DENND1A: variants seen among roughly 807,000 people sequenced by gnomAD.
DENND1A encodes the protein DENN domain-containing protein 1A.
In DENND1A, 51 loss-of-function variants were observed where a neutral mutation model predicts 113.7. The ratio of observed to expected loss-of-function variants is 0.45; its 90% CI spans 0.36 to 0.57. DENND1A has a LOEUF of 0.57. Ranked by LOEUF, DENND1A falls within the 20% of genes least tolerant of loss-of-function variation. The probability of loss-of-function intolerance (pLI) is 0.00; values close to 1 mark genes in which losing one functional copy is unlikely to be tolerated. For missense variants in DENND1A, 1,258 were observed against 1,395.9 expected (o/e 0.90, Z 1.57); for synonymous variants, 565 against 570.8 (o/e 0.99, Z 0.14).
At chr9:123,912,471 G>A (rs966635608) in intron 1 of DENND1A, among the ~76,000 whole-genome samples, 3 of 152,122 alleles carry the variant, frequency 2.0e-5, no homozygotes, top group Non-Finnish European at 4.4e-5. Flanking sequence ...GGACCAAAAA[G>A]GGCAGCTAAT....
At chr9:123,829,599 CA>C (rs1254543904) in intron 2 of DENND1A, among the ~76,000 whole-genome samples, 1 of 151,702 alleles carries the variant, frequency 6.6e-6, no homozygotes, top group Non-Finnish European at 1.5e-5. Context: ...GAAAATCAAA[CA>C]GATGGATAAT....
chr9:123,382,646 C>T lies in DENND1A; in HGVS notation c.2020-21G>A, dbSNP rs771504403. On this transcript the variant is annotated intron_variant, in intron 23 of 23. Coordinates refer to ENST00000394215, the MANE Select transcript of DENND1A (RefSeq NM_001352964.2). The stretch of plus-strand genomic sequence containing the variant: ...AGCCTCTGTTGGGAGGGAAGGAGGG[C>T]GGCAGTGACCACGGGCTGAGTTGGG... 6.8e-6 allele frequency: 11 copies of T among 1,612,460 alleles called. No homozygotes were observed. In the East Asian group the frequency reaches 1.8e-4, roughly 26 times the overall value.
At chr9:123,542,637 C>A (rs1211309416) in intron 13 of DENND1A, among the ~76,000 whole-genome samples, 1 of 152,056 alleles carries the variant, frequency 6.6e-6, no homozygotes, top group East Asian at 1.9e-4. Context: ...AAGGCACCAG[C>A]GAGAGATTAG....
At chr9:123,779,975 T>C (rs1318731888) in intron 3 of DENND1A, among the ~76,000 whole-genome samples, 1 of 150,032 alleles carries the variant, frequency 6.7e-6, no homozygotes, top group Non-Finnish European at 1.5e-5. Flanking sequence ...CTGCTCAGCC[T>C]CCTGAGTAGC....
intron 10 of DENND1A, among the ~76,000 whole-genome samples, chr9:123,613,877 C>T (rs1395625891): frequency 6.6e-6 from 1 of 152,200 alleles, no homozygotes; most frequent in Non-Finnish European, 1.5e-5. Flanking sequence ...AATTACTGCA[C>T]TATCTGATTT....
chr9:123,899,950 G>T (rs1007500612), intron 1 of DENND1A, among the ~76,000 whole-genome samples: 4 of 152,242 alleles, frequency 2.6e-5, no homozygotes, highest in African/African-American at 9.6e-5. Flanking sequence ...AATGATCACT[G>T]TAAGAATAAC....
intron 5 of DENND1A, among the ~76,000 whole-genome samples, chr9:123,679,344 C>T (rs1015616711): frequency 2.0e-5 from 3 of 152,138 alleles, no homozygotes; most frequent in African/African-American, 4.8e-5. Flanking sequence ...AAGGAGGTGA[C>T]GTGGGAAGGA....
chr9:123,484,979 C>T (rs115286512), intron 13 of DENND1A, among the ~76,000 whole-genome samples: 2 of 152,292 alleles, frequency 1.3e-5, no homozygotes, highest in African/African-American at 2.4e-5. Context: ...AGTTTTATTT[C>T]GAGGGCTACA....
Position 123,881,016 on chromosome 9 carries a change from G to A in DENND1A, c.18-1995C>T, listed in dbSNP as rs186606976. 1.8e-3 allele frequency among the ~76,000 whole-genome samples: 268 copies of A among 152,170 alleles called. 2 individuals carry two copies. Among genetic ancestry groups the A allele is most frequent in the East Asian group, 6.0e-3 (31 of 5,180 alleles). The stretch of plus-strand genomic sequence containing the variant: ...TGTGAATCAGGAATCTACTTATTTC[G>A]GGGGTGTAAAATCGTCATTTCTCCC... On this transcript the variant is annotated intron_variant, in intron 1 of 23. Coordinates refer to ENST00000394215, the MANE Select transcript of DENND1A (RefSeq NM_001352964.2).
chr9:123,736,647 C>G (rs1279019883), intron 5 of DENND1A, among the ~76,000 whole-genome samples: 1 of 152,164 alleles, frequency 6.6e-6, no homozygotes, highest in Non-Finnish European at 1.5e-5. Flanking sequence ...TCTGATCATG[C>G]ATCTCAAACA....
At chr9:123,440,535 C>T in intron 18 of DENND1A, 44 bp from the exon 19 acceptor site, 1 of 1,516,864 alleles carries the variant, frequency 6.6e-7, no homozygotes, top group Non-Finnish European at 8.7e-7. Context: ...GGGGTTCTGG[C>T]ACCCATGTTC....
chr9:123,834,846 G>A (rs934569074), intron 2 of DENND1A, among the ~76,000 whole-genome samples: 1 of 152,196 alleles, frequency 6.6e-6, no homozygotes, highest in African/African-American at 2.4e-5. Flanking sequence ...AAAGATCAAG[G>A]TTTCTAGGCA....
At chr9:123,544,690 T>C (rs1271731889) in intron 13 of DENND1A, among the ~76,000 whole-genome samples, 2 of 152,236 alleles carry the variant, frequency 1.3e-5, no homozygotes, top group African/African-American at 4.8e-5. Flanking sequence ...GGAATATATA[T>C]AAAGAGCCTA....
intron 6 of DENND1A, among the ~76,000 whole-genome samples, chr9:123,674,429 G>A (rs143235831): frequency 6.7e-6 from 1 of 150,194 alleles, no homozygotes; most frequent in Non-Finnish European, 1.5e-5. Context: ...CCTTCCCAAT[G>A]ACTTTTGGAT....
chr9:123,385,914 G>A (rs2042538616), intron 22 of DENND1A, among the ~76,000 whole-genome samples: 1 of 152,170 alleles, frequency 6.6e-6, no homozygotes, highest in South Asian at 2.1e-4. Context: ...TGGAACTTCA[G>A]GAAATAGTGT....
At chr9:123,779,656 C>T (rs539678845) in intron 3 of DENND1A, among the ~76,000 whole-genome samples, 45 of 152,160 alleles carry the variant, frequency 3.0e-4, no homozygotes, top group African/African-American at 8.4e-4. Context: ...CGGACTACCA[C>T]GCTTGGCTAA....
intron 18 of DENND1A, among the ~76,000 whole-genome samples, chr9:123,441,216 G>A (rs1372328511): frequency 1.3e-5 from 2 of 152,190 alleles, no homozygotes; most frequent in African/African-American, 4.8e-5. Context: ...ATACTTGTGA[G>A]CTGTATCATT....
chr9:123,416,115 A>G (rs75661913), intron 19 of DENND1A, among the ~76,000 whole-genome samples: 2,604 of 152,288 alleles, frequency 0.017, 27 homozygotes, highest in Non-Finnish European at 0.027. Flanking sequence ...GTGAGGCCCG[A>G]GAGGACGGCA....
At chr9:123,644,161 G>T (rs76141231) in intron 9 of DENND1A, among the ~76,000 whole-genome samples, 3 of 152,142 alleles carry the variant, frequency 2.0e-5, no homozygotes, top group Admixed American at 1.3e-4. Context: ...TAGGGTTGCT[G>T]CAAGAACGAA....
Sources: gnomAD v4.1 joint callset for allele counts (sites outside exome capture counted in the v4.1 genomes callset) on GRCh38, gnomAD v4.1.1 for gene constraint, MANE v1.5 for transcripts, NCBI Gene and HGNC (gene_info 2026-07-23, HGNC 2026-07-21) for gene names.